ABCB11: variants seen among roughly 807,000 people sequenced by gnomAD.
The protein encoded by ABCB11 is bile salt export pump.
A neutral mutation model predicts 148.0 loss-of-function variants in ABCB11; 95 were observed. The ratio of observed to expected loss-of-function variants is 0.64; its 90% CI spans 0.54 to 0.76. The LOEUF (loss-of-function observed/expected upper bound fraction) is 0.76, where lower values mean the gene tolerates loss of function less well. Ranked by LOEUF, ABCB11 falls within the 30% of genes least tolerant of loss-of-function variation. The probability of loss-of-function intolerance (pLI) is 0.00; values close to 1 mark genes in which losing one functional copy is unlikely to be tolerated. For missense variants in ABCB11, 1,523 were observed against 1,617.8 expected, an observed-to-expected ratio of 0.94 and a Z score of 1.01; for synonymous variants, 591 against 555.4, an observed-to-expected ratio of 1.06 and a Z score of -0.90.
rs1691121399 is a variant in ABCB11, at chr2:168,922,690, T to G, written c.*932A>C. Among the ~76,000 whole-genome samples the G allele has an allele frequency of 6.6e-6, 1 of 152,200 alleles. No homozygotes were observed. Among genetic ancestry groups the G allele is most frequent in the Non-Finnish European group, 1.5e-5 (1 of 68,032 alleles). The stretch of plus-strand genomic sequence containing the variant: ...CATTCTTGTAGATTCCTGCCGCCTT[T>G]AGTTCTATGTCATTCTGTGGTGTTT... On this transcript the variant is annotated 3_prime_UTR_variant, in exon 28 of 28. Coordinates refer to ENST00000650372, the MANE Select transcript of ABCB11 (RefSeq NM_003742.4).
In ABCB11 at chr2:169,018,033, G is replaced by A. The variant is rs1207403784; in HGVS notation, c.76+17C>T. On this transcript the variant is annotated intron_variant, in intron 2 of 27. Transcript: ENST00000650372. ...CTCTCCTTGTACAAGATGCAGTGAGGGAAAAAAGCCACTCACATGATTTAT... is the reference window on the plus strand; with the variant it reads ...CTCTCCTTGTACAAGATGCAGTGAGAGAAAAAAGCCACTCACATGATTTAT... 1 of 1,600,170 alleles carries A rather than the reference G, an allele frequency of 6.2e-7. No individual in the cohort carries two copies. Among genetic ancestry groups the A allele is most frequent in the Non-Finnish European group, 8.6e-7 (1 of 1,167,848 alleles).
At chr2:169,023,334 G>A (rs761459071) in intron 1 of ABCB11, among the ~76,000 whole-genome samples, 159 of 152,258 alleles carry the variant, frequency 1.0e-3, no homozygotes, top group Non-Finnish European at 1.7e-3. Flanking sequence ...CCTGAGATGG[G>A]TATTATGACT....
At chr2:168,925,231 G>T (rs1289579037) in intron 26 of ABCB11, among the ~76,000 whole-genome samples, 1 of 152,200 alleles carries the variant, frequency 6.6e-6, no homozygotes, top group Non-Finnish European at 1.5e-5. Flanking sequence ...TAGGGAGGCA[G>T]CATTCTGGAA....
intron 19 of ABCB11, among the ~76,000 whole-genome samples, chr2:168,953,209 T>A (rs371380117): frequency 6.6e-6 from 1 of 151,740 alleles, no homozygotes; most frequent in African/African-American, 2.4e-5. Context: ...GTTCTGTAAA[T>A]GTCTGTTAAG....
At position 169,027,206 on chromosome 2, in the gene ABCB11, C is replaced by T. The variant is rs72888651; in HGVS notation, c.-28+4019G>A. 8.7e-3 allele frequency among the ~76,000 whole-genome samples: 1,328 copies of T among 152,278 alleles called. 9 individuals carry two copies. Among genetic ancestry groups the T allele is most frequent in the Middle Eastern group, 0.014 (4 of 294 alleles). ...CAGACTGAGAATTTTCAAGGCATTC[C>T]AGAAAAATGTATTTTCCAATAAACT... On this transcript the variant is annotated intron_variant, in intron 1 of 27. Transcript: ENST00000650372.
Position 169,010,537 on chromosome 2 carries a change from G to A in ABCB11, c.389+2735C>T, listed in dbSNP as rs116881431. Among the ~76,000 whole-genome samples, 299 of 152,288 alleles carry A rather than the reference G, an allele frequency of 2.0e-3. 7 individuals are homozygous for A. In the East Asian group the frequency reaches 0.044, roughly 23 times the overall value. ...CTTTTGTTGCTAAAATTATTGGGTT[G>A]TCTTGTATATTCTAAGGCTAATACA... On this transcript the variant is annotated intron_variant, in intron 5 of 27. Coordinates refer to ENST00000650372, the MANE Select transcript of ABCB11 (RefSeq NM_003742.4).
chr2:168,971,004 C>T (rs1693556890), intron 14 of ABCB11, among the ~76,000 whole-genome samples: 2 of 152,016 alleles, frequency 1.3e-5, no homozygotes, highest in South Asian at 4.1e-4. Context: ...ATCATAGCCA[C>T]AGCTGCAATC....
chr2:168,964,853 T>C (rs1363812387), intron 17 of ABCB11, among the ~76,000 whole-genome samples: 1 of 151,834 alleles, frequency 6.6e-6, no homozygotes, highest in East Asian at 1.9e-4. Flanking sequence ...TGAAATATAA[T>C]TTAGCTCAAT....
At chr2:169,029,380 A>G (rs1195042592) in intron 1 of ABCB11, among the ~76,000 whole-genome samples, 1 of 152,098 alleles carries the variant, frequency 6.6e-6, no homozygotes, top group African/African-American at 2.4e-5. Context: ...TCTTTATCTA[A>G]AAGATTATTA....
At chr2:168,948,565 G>A (rs1230114017) in intron 19 of ABCB11, among the ~76,000 whole-genome samples, 1 of 151,238 alleles carries the variant, frequency 6.6e-6, no homozygotes, top group Admixed American at 6.6e-5. Context: ...CATCATAACC[G>A]ATATGCATTC....
chr2:169,006,252 C>G lies in ABCB11; in HGVS notation c.389+7020G>C, dbSNP rs529708114. The stretch of plus-strand genomic sequence containing the variant: ...AAAGGTAATTGAACATATGAATATA[C>G]ATTGATGTAATATACCATATCAATA... On this transcript the variant is annotated intron_variant, in intron 5 of 27. Transcript: ENST00000650372. Among the ~76,000 whole-genome samples, 5 of 152,228 alleles carry G rather than the reference C, an allele frequency of 3.3e-5. No individual in the cohort carries two copies. The South Asian group carries it at 1.0e-3, about 32-fold the overall frequency.
chr2:168,933,748 T>TTTTTGTTTTG (rs71003064), intron 23 of ABCB11, among the ~76,000 whole-genome samples: 1 of 151,006 alleles, frequency 6.6e-6, no homozygotes, highest in Admixed American at 6.6e-5. Context: ...GTAGTTCCAC[T>TTTTTGTTTTG]TTTTGTTTTG....
intron 19 of ABCB11, among the ~76,000 whole-genome samples, chr2:168,950,136 TATATAC>T (rs766435989): frequency 7.0e-5 from 7 of 99,296 alleles, no homozygotes; most frequent in South Asian, 4.2e-4. Flanking sequence ...CCCATATATA[TATATAC>T]ACACACACAC....
intron 18 of ABCB11, 92 bp downstream of exon 18, chr2:168,964,114 C>G (rs1693193334): frequency 2.2e-6 from 2 of 898,422 alleles, no homozygotes; most frequent in Admixed American, 4.4e-5. Context: ...AGATATATAC[C>G]TAGAAAACTC....
At chr2:168,984,064 T>G (rs16856332) in intron 10 of ABCB11, among the ~76,000 whole-genome samples, 6,964 of 152,090 alleles carry the variant, frequency 0.046, 180 homozygotes, top group East Asian at 0.062. Context: ...GTAAAAGGCC[T>G]GACTGGGAAA....
intron 5 of ABCB11, among the ~76,000 whole-genome samples, chr2:169,003,078 G>C (rs1239959587): frequency 6.6e-6 from 1 of 151,984 alleles, no homozygotes; most frequent in Non-Finnish European, 1.5e-5. Flanking sequence ...AGTGTACACT[G>C]CATCCAGTGT....
intron 19 of ABCB11, among the ~76,000 whole-genome samples, chr2:168,946,380 A>G (rs781520544): frequency 1.3e-5 from 2 of 151,830 alleles, no homozygotes; most frequent in Non-Finnish European, 2.9e-5. Context: ...TGTAAAGCAA[A>G]AGTAACCCGT....
chr2:169,012,697 A>G (rs558466111), intron 5 of ABCB11, among the ~76,000 whole-genome samples: 2 of 150,766 alleles, frequency 1.3e-5, no homozygotes, highest in East Asian at 3.9e-4. Context: ...CCAAGATCAC[A>G]CCACTGTACT....
chr2:168,964,792 T>C (rs1207121097), intron 17 of ABCB11, among the ~76,000 whole-genome samples: 2 of 151,848 alleles, frequency 1.3e-5, no homozygotes, highest in Admixed American at 1.3e-4. Context: ...TGAGATTTTC[T>C]CCAGGCTATA....
Sources: allele counts gnomAD v4.1 joint callset (sites outside exome capture counted in the v4.1 genomes callset), GRCh38; gene constraint gnomAD v4.1.1; transcripts MANE v1.5; gene names NCBI Gene and HGNC (gene_info 2026-07-23, HGNC 2026-07-21).